FUT9: variants seen among roughly 807,000 people sequenced by gnomAD.
The protein encoded by FUT9 is 4-galactosyl-N-acetylglucosaminide 3-alpha-L-fucosyltransferase 9.
Under a neutral mutation model 29.7 loss-of-function variants are expected in FUT9, and 15 were observed. That is an observed-to-expected ratio of 0.51 (90% CI 0.34 to 0.78). The LOEUF (loss-of-function observed/expected upper bound fraction) is 0.78, where lower values mean the gene tolerates loss of function less well. Among genes scored for constraint, FUT9 ranks in the 30% least tolerant of loss-of-function variants. The pLI is 0.01. For missense variants in FUT9, 319 were observed against 425.4 expected, an observed-to-expected ratio of 0.75 and a Z score of 2.20; for synonymous variants, 169 against 153.7, an observed-to-expected ratio of 1.10 and a Z score of -0.74.
chr6:96,168,489 A>G (rs756378234), intron 2 of FUT9, among the ~76,000 whole-genome samples: 1 of 152,188 alleles, frequency 6.6e-6, no homozygotes, highest in Non-Finnish European at 1.5e-5. Context: ...TATGAAGGAC[A>G]AGGGAAGAAA....
At chr6:96,147,294 G>A in intron 2 of FUT9, among the ~76,000 whole-genome samples, 1 of 151,622 alleles carries the variant, frequency 6.6e-6, no homozygotes, top group East Asian at 1.9e-4. Flanking sequence ...CCGAGTAGCT[G>A]GGATTACAGG....
At chr6:96,093,239 T>A (rs1435734680) in intron 1 of FUT9, among the ~76,000 whole-genome samples, 1 of 152,172 alleles carries the variant, frequency 6.6e-6, no homozygotes, top group Non-Finnish European at 1.5e-5. Flanking sequence ...TCTTGACACA[T>A]TAAAGGTGCC....
intron 1 of FUT9, among the ~76,000 whole-genome samples, chr6:96,027,337 T>C (rs1770185904): frequency 6.6e-6 from 1 of 151,700 alleles, no homozygotes; most frequent in African/African-American, 2.4e-5. Context: ...TTTCAAAGCA[T>C]CTCGCCTTTC....
intron 1 of FUT9, among the ~76,000 whole-genome samples, chr6:96,090,063 C>A (rs1461958731): frequency 2.0e-5 from 3 of 151,926 alleles, no homozygotes; most frequent in African/African-American, 7.3e-5. Context: ...AAAAACCCCC[C>A]AAATTAATAA....
At chr6:96,056,861 T>C (rs1770780839) in intron 1 of FUT9, among the ~76,000 whole-genome samples, 2 of 152,186 alleles carry the variant, frequency 1.3e-5, no homozygotes, top group South Asian at 4.1e-4. Context: ...TTAACGATGG[T>C]CTGACTTGGG....
At chr6:96,095,302 A>C (rs191023223) in intron 1 of FUT9, among the ~76,000 whole-genome samples, 28 of 152,210 alleles carry the variant, frequency 1.8e-4, no homozygotes, top group African/African-American at 6.7e-4. Context: ...ATTATTATCT[A>C]ATTTCCCTCC....
intron 2 of FUT9, among the ~76,000 whole-genome samples, chr6:96,186,734 C>G (rs1486140082): frequency 6.6e-6 from 1 of 152,094 alleles, no homozygotes; most frequent in African/African-American, 2.4e-5. Flanking sequence ...AATTCCATTT[C>G]AGATCTAAGG....
intron 2 of FUT9, among the ~76,000 whole-genome samples, chr6:96,170,135 C>G (rs1773084463): frequency 2.0e-5 from 3 of 152,070 alleles, no homozygotes; most frequent in African/African-American, 7.2e-5. Context: ...GACAGCATAA[C>G]AAGAAGCTCA....
At position 96,035,816 on chromosome 6, in the gene FUT9, A is replaced by AC. The variant is rs1562102991; in HGVS notation, c.-98+19604_-98+19605insC. Among the ~76,000 whole-genome samples the AC allele has an allele frequency of 7.1e-5, 9 of 125,888 alleles. No homozygotes were observed. The South Asian group carries it at 7.2e-4, about 10-fold the overall frequency. 82.6% of individuals were successfully genotyped at this position (125,888 alleles called of 152,430 possible). ...TATACTAATATAATATAATACATAT[A>AC]ATATATTATATGTATTATATTAATA... On this transcript the variant is annotated intron_variant, in intron 1 of 2. Transcript: ENST00000302103.
At chr6:96,122,826 C>T (rs377261916) in intron 2 of FUT9, among the ~76,000 whole-genome samples, 1 of 152,070 alleles carries the variant, frequency 6.6e-6, no homozygotes, top group East Asian at 1.9e-4. Flanking sequence ...GCCGGTGGAT[C>T]ACGAGGTCAG....
At chr6:96,147,650 T>A (rs546493012) in intron 2 of FUT9, among the ~76,000 whole-genome samples, 80 of 152,112 alleles carry the variant, frequency 5.3e-4, no homozygotes, top group African/African-American at 1.9e-3. Flanking sequence ...AGAAGCAATG[T>A]GAACATTTGC....
chr6:96,112,669 C>A (rs887797823), intron 1 of FUT9, among the ~76,000 whole-genome samples: 2 of 152,082 alleles, frequency 1.3e-5, no homozygotes, highest in African/African-American at 2.4e-5. Context: ...TGTGCGCAAG[C>A]GTGTGTGCAT....
rs1773942245 is a variant in FUT9 at position 96,211,808 on chromosome 6, T to C, written c.*7573T>C. 3.3e-5 allele frequency: 10 copies of C among 304,694 alleles called. No individual in the cohort carries two copies. In the Admixed American group the frequency reaches 3.6e-4, roughly 11 times the overall value. 18.9% of individuals were successfully genotyped at this position (304,694 alleles called of 1,614,324 possible). On this transcript the variant is annotated 3_prime_UTR_variant, in exon 3 of 3. Coordinates refer to ENST00000302103, the MANE Select transcript of FUT9 (RefSeq NM_006581.4). ...AATAGTATTTTTAAGTAGTTTCTAA[T>C]TGTGTTCCTTTAAAGAGTATTAGAA... is the stretch of plus-strand genomic sequence containing the variant.
chr6:96,099,291 A>T (rs1033687518), intron 1 of FUT9, among the ~76,000 whole-genome samples: 2 of 152,124 alleles, frequency 1.3e-5, no homozygotes, highest in Non-Finnish European at 2.9e-5. Context: ...TTATGCACAT[A>T]TGGAATGTGT....
chr6:96,212,248 T>C lies in FUT9; in HGVS notation c.*8013T>C, dbSNP rs929334183. 1 of 412,742 alleles carries C rather than the reference T, an allele frequency of 2.4e-6. No individual in the cohort carries two copies. Among genetic ancestry groups the C allele is most frequent in the Non-Finnish European group, 4.4e-6 (1 of 225,600 alleles). The allele number at this position is 412,742 out of a possible 1,614,324, so 25.6% of individuals were successfully genotyped here. Reference sequence around the variant, plus strand: ...TTCAGTTCCTTAAATGAGATAATCCTGAAGATGCCATCCTTGTCCAAGGTG... The same window carrying C: ...TTCAGTTCCTTAAATGAGATAATCCCGAAGATGCCATCCTTGTCCAAGGTG... On this transcript the variant is annotated 3_prime_UTR_variant, in exon 3 of 3. Transcript: ENST00000302103.
intron 2 of FUT9, among the ~76,000 whole-genome samples, chr6:96,170,958 TC>T (rs1201233331): frequency 1.3e-5 from 2 of 151,906 alleles, no homozygotes; most frequent in Non-Finnish European, 2.9e-5. Context: ...TCTGCTTTTT[TC>T]CCCCTTTCTT....
At chr6:96,098,560 G>A (rs548651509) in intron 1 of FUT9, among the ~76,000 whole-genome samples, 1 of 152,216 alleles carries the variant, frequency 6.6e-6, no homozygotes, top group South Asian at 2.1e-4. Context: ...GTTCTAGCCT[G>A]TGAAGCTCTT....
At chr6:96,120,023 A>G (rs1030830539) in intron 2 of FUT9, among the ~76,000 whole-genome samples, 3 of 152,166 alleles carry the variant, frequency 2.0e-5, no homozygotes, top group Admixed American at 6.5e-5. Flanking sequence ...TCCATTATAT[A>G]TTTAACCCTC....
intron 1 of FUT9, among the ~76,000 whole-genome samples, chr6:96,082,839 A>G (rs1771260701): frequency 6.6e-6 from 1 of 151,960 alleles, no homozygotes; most frequent in South Asian, 2.1e-4. Context: ...GTAAATTGTT[A>G]TCATTTTCTC....
Sources: gnomAD v4.1 joint callset for allele counts (sites outside exome capture counted in the v4.1 genomes callset) on GRCh38, gnomAD v4.1.1 for gene constraint, MANE v1.5 for transcripts, NCBI Gene and HGNC (gene_info 2026-07-23, HGNC 2026-07-21) for gene names.